The following PRP4K variants were observed in gnomAD, a reference collection of about 807,000 sequenced individuals.
PRP4K encodes serine/threonine-protein kinase PRP4 homolog.
At chr6:4,036,665 T>C in the PRP4K span, among the ~76,000 whole-genome samples, 1 of 151,834 alleles carries the variant, frequency 6.6e-6, no homozygotes, top group East Asian at 1.9e-4. Context: ...GTGTAAACCA[T>C]TGTGCCTGGC....
At chr6:4,049,551 T>C in the PRP4K span, 1 of 604,442 alleles carries the variant, frequency 1.7e-6, no homozygotes, top group Non-Finnish European at 2.9e-6. Context: ...GAAGTAGGCA[T>C]GCAGCTTCTA....
the PRP4K span, among the ~76,000 whole-genome samples, chr6:4,054,387 T>A: frequency 6.6e-6 from 1 of 152,236 alleles, no homozygotes; most frequent in Non-Finnish European, 1.5e-5. Flanking sequence ...TTGGTCTGAA[T>A]TATTATTGTA....
chr6:4,028,650 C>G, the PRP4K span, among the ~76,000 whole-genome samples: 81 of 152,338 alleles, frequency 5.3e-4, no homozygotes, highest in Middle Eastern at 3.4e-3. Context: ...ACCTGACTTT[C>G]ACCAGAGGAC....
At chr6:4,035,367 G>A in the PRP4K span, among the ~76,000 whole-genome samples, 2 of 130,202 alleles carry the variant, frequency 1.5e-5, no homozygotes, top group African/African-American at 3.0e-5. Context: ...GGCTGGTCTC[G>A]AACTCTTGAC....
At chr6:4,035,884 G>A in the PRP4K span, among the ~76,000 whole-genome samples, 3 of 152,028 alleles carry the variant, frequency 2.0e-5, no homozygotes, top group Non-Finnish European at 4.4e-5. Context: ...AGAATCTCTT[G>A]AAGCCGGGAG....
At chr6:4,033,626 G>A in the PRP4K span, among the ~76,000 whole-genome samples, 2 of 152,114 alleles carry the variant, frequency 1.3e-5, no homozygotes, top group African/African-American at 4.8e-5. Context: ...TATTAAAAGA[G>A]TATTGGCTTA....
the PRP4K span, among the ~76,000 whole-genome samples, chr6:4,055,073 C>T: frequency 9.2e-5 from 14 of 152,284 alleles, no homozygotes; most frequent in African/African-American, 3.4e-4. Flanking sequence ...AATCCAAAGC[C>T]TTTAGCTCGT....
At chr6:4,058,066 T>A in the PRP4K span, among the ~76,000 whole-genome samples, 2 of 152,208 alleles carry the variant, frequency 1.3e-5, no homozygotes, top group East Asian at 3.9e-4. Context: ...CAGACTGGAG[T>A]ACAGTTATAG....
chr6:4,045,165 A>C, the PRP4K span, among the ~76,000 whole-genome samples: 2 of 152,192 alleles, frequency 1.3e-5, no homozygotes, highest in African/African-American at 2.4e-5. Context: ...AGCTGACAGT[A>C]CACTGTTGAA....
chr6:4,030,632 C>G, the PRP4K span, among the ~76,000 whole-genome samples: 3 of 152,216 alleles, frequency 2.0e-5, no homozygotes, highest in Non-Finnish European at 4.4e-5. Flanking sequence ...CATTTAAGCA[C>G]AGAATCCCCC....
the PRP4K span, chr6:4,049,948 AT>A: frequency 2.0e-6 from 3 of 1,494,892 alleles, no homozygotes; most frequent in East Asian, 2.4e-5. Flanking sequence ...TTTTTAAACT[AT>A]TTTTTTAAAG....
the PRP4K span, among the ~76,000 whole-genome samples, chr6:4,051,304 T>C: frequency 1.3e-5 from 2 of 152,112 alleles, no homozygotes; most frequent in East Asian, 3.9e-4. Flanking sequence ...TTTGTTTTTT[T>C]GTTTGTTTTT....
At chr6:4,058,650 C>A in the PRP4K span, 2 of 1,009,324 alleles carry the variant, frequency 2.0e-6, no homozygotes, top group Non-Finnish European at 3.0e-6. Flanking sequence ...ACTTATTTGA[C>A]TTATTGTATA....
At chr6:4,055,091 G>C in the PRP4K span, among the ~76,000 whole-genome samples, 1 of 152,154 alleles carries the variant, frequency 6.6e-6, no homozygotes, top group Admixed American at 6.5e-5. Flanking sequence ...CGTAATTTCA[G>C]GTATCAGTGT....
chr6:4,056,448 AT>A, the PRP4K span: 55 of 1,612,566 alleles, frequency 3.4e-5, 1 homozygote, highest in East Asian at 3.6e-4. Context: ...AAGTTTCTTA[AT>A]GTTCTTTGAC....
the PRP4K span, chr6:4,053,025 C>A: frequency 2.8e-6 from 2 of 720,692 alleles, no homozygotes; most frequent in South Asian, 4.1e-5. Context: ...TTTTATCTTT[C>A]TTGGAAATCG....
At chr6:4,049,260 C>T in the PRP4K span, among the ~76,000 whole-genome samples, 7,828 of 152,216 alleles carry the variant, frequency 0.051, 663 homozygotes, top group African/African-American at 0.18. Context: ...TGCATGAACT[C>T]GTGTGTATTC....
the PRP4K span, chr6:4,037,387 T>G: frequency 6.5e-7 from 1 of 1,547,118 alleles, no homozygotes; most frequent in Non-Finnish European, 8.7e-7. Context: ...TTGCATTTGA[T>G]CCCCTTAAGA....
At chr6:4,056,977 A>AATTAATAGTCGTCAGTTT in the PRP4K span, 1 of 1,445,528 alleles carries the variant, frequency 6.9e-7, no homozygotes, top group Non-Finnish European at 9.3e-7. Context: ...TGGAAATAAA[A>AATTAATAGTCGTCAGTTT]ATTAATAGTC....
Sources: allele counts gnomAD v4.1 joint callset (sites outside exome capture counted in the v4.1 genomes callset), GRCh38; gene constraint gnomAD v4.1.1; transcripts MANE v1.5; gene names NCBI Gene and HGNC (gene_info 2026-07-23, HGNC 2026-07-21).